Variants in OR4C13 observed in about 807,000 individuals in gnomAD.
OR4C13 encodes olfactory receptor family 4 subfamily C member 13.
A neutral mutation model predicts 14.7 loss-of-function variants in OR4C13; 23 were observed. The ratio of observed to expected loss-of-function variants is 1.57; its 90% CI spans 1.13 to 2.22. The LOEUF is 2.22. Among genes scored for constraint, OR4C13 ranks in the 30% most tolerant of loss-of-function variants. The pLI is 0.00. For missense variants in OR4C13, 504 were observed against 368.6 expected (o/e 1.37, Z -3.01); for synonymous variants, 178 against 135.5 (o/e 1.31, Z -2.18).
rs142175525 is a variant in OR4C13 at position 49,952,831 on chromosome 11, C to T, written c.409C>T (p.His137Tyr). The change falls in exon 1 of 1, where the codon CAT becomes TAT. Residue 137 changes from histidine to tyrosine, a missense_variant. His to Tyr is a moderately conservative substitution (Grantham distance 83, BLOSUM62 2). Coordinates refer to ENST00000555099, the MANE Select transcript of OR4C13 (RefSeq NM_001001955.2). ...PLHYTTVMKQ[H>Y]VCSLLVGVSW... ...GCACTATACCACCGTCATGAAGCAG[C>T]ATGTTTGTAGCCTGCTAGTGGGAGT... The T allele has an allele frequency of 1.5e-4, 248 of 1,613,948 alleles. No homozygotes were observed. The highest frequency in any genetic ancestry group is 2.0e-4 in the Non-Finnish European group (233 of 1,179,976).
rs146933611 is a variant in OR4C13 at position 49,952,494 on chromosome 11, C to T, written c.72C>T (p.Ile24=). Residue 24 remains isoleucine, a synonymous_variant, in exon 1 of 1, where the codon ATC becomes ATT. Coordinates refer to ENST00000555099, the MANE Select transcript of OR4C13 (RefSeq NM_001001955.2). The part of the protein sequence containing the change: ...GLTENPKMQK[I]IFVVFSVIYI... ...CAGAGAATCCAAAAATGCAGAAAAT[C>T]ATATTTGTTGTGTTTTCTGTCATCT... is the stretch of plus-strand genomic sequence containing the variant. 1.9e-6 allele frequency: 3 copies of T among 1,613,324 alleles called. No individual in the cohort carries two copies. The highest frequency in any genetic ancestry group is 1.3e-5 in the African/African-American group (1 of 74,986).
rs782140354 is a variant in OR4C13, at chr11:49,952,748, A to G, written c.326A>G (p.Glu109Gly). 2.0e-5 allele frequency: 32 copies of G among 1,613,866 alleles called. No individual in the cohort carries two copies. Among genetic ancestry groups the G allele is most frequent in the Non-Finnish European group, 2.6e-5 (31 of 1,179,888 alleles). The change falls in exon 1 of 1, where the codon GAG becomes GGG. Residue 109 changes from glutamate (E) to glycine (G), a missense_variant. Coordinates refer to ENST00000555099, the MANE Select transcript of OR4C13 (RefSeq NM_001001955.2). ...VFGEHFFRGV[E>G]VILLTVMAYD... ...GGAGAACATTTTTTCAGAGGTGTTG[A>G]GGTCATCCTACTTACTGTAATGGCC...
rs781828746 is a variant in OR4C13, at chr11:49,952,937, T to G, written c.515T>G (p.Ile172Arg). Residue 172 changes from isoleucine to arginine, a missense_variant, in exon 1 of 1, where the codon ATA (isoleucine) becomes AGA (arginine). Ile to Arg is a moderately conservative substitution (Grantham distance 97). Coordinates refer to ENST00000555099, the MANE Select transcript of OR4C13 (RefSeq NM_001001955.2). ...TTACCTTTCTGTGGTCCTAATGTCA[T>G]AGATCACTTTATGTGTGATCTCTAC... is the stretch of plus-strand genomic sequence containing the variant. ...CQLPFCGPNV[I>R]DHFMCDLYTL... 2 of 1,613,708 alleles carry G rather than the reference T, an allele frequency of 1.2e-6. No individual in the cohort carries two copies. The highest frequency in any genetic ancestry group is 1.7e-6 in the Non-Finnish European group (2 of 1,179,772).
In OR4C13 at chr11:49,952,561, A is replaced by G; in HGVS notation, c.139A>G (p.Ile47Val). Residue 47 changes from isoleucine to valine, a missense_variant, in exon 1 of 1, where the codon ATC (isoleucine) becomes GTC (valine). Ile to Val is a conservative substitution (Grantham distance 29). Transcript: ENST00000555099. ...MIGNVLIVVT[I>V]TASPSLRSPM... is the part of the protein sequence containing the mutation. ...AGGAAATGTGCTCATTGTGGTCACC[A>G]TCACTGCCAGCCCATCACTGAGATC... 1.9e-6 allele frequency: 3 copies of G among 1,613,884 alleles called. No individual in the cohort carries two copies. Among genetic ancestry groups the G allele is most frequent in the Non-Finnish European group, 2.5e-6 (3 of 1,179,814 alleles).
chr11:49,952,453 A>T lies in OR4C13; in HGVS notation c.31A>T (p.Ile11Phe). 1 of 1,612,090 alleles carries T rather than the reference A, an allele frequency of 6.2e-7. No individual in the cohort carries two copies. Among genetic ancestry groups the T allele is most frequent in the South Asian group, 1.1e-5 (1 of 91,014 alleles). ...GAATAGAAACAATGTGACAGAGTTT[A>T]TTCTATTGGGGCTTACAGAGAATCC... MANRNNVTEFILLGLTENPKM... is the reference protein window; with the variant it reads MANRNNVTEFFLLGLTENPKM... The change falls in exon 1 of 1, where the codon ATT becomes TTT. Residue 11 changes from isoleucine (I) to phenylalanine (F), a missense_variant. Coordinates refer to ENST00000555099, the MANE Select transcript of OR4C13 (RefSeq NM_001001955.2).
chr11:49,953,173 C>T lies in OR4C13; in HGVS notation c.751C>T (p.Pro251Ser), dbSNP rs782298071. 3 of 1,613,580 alleles carry T rather than the reference C, an allele frequency of 1.9e-6. No individual in the cohort carries two copies. Among genetic ancestry groups the T allele is most frequent in the Non-Finnish European group, 1.7e-6 (2 of 1,179,654 alleles). The change falls in exon 1 of 1, where the codon CCC becomes TCC. Residue 251 changes from proline to serine, a missense_variant. Coordinates refer to ENST00000555099, the MANE Select transcript of OR4C13 (RefSeq NM_001001955.2). Reference sequence around the variant, plus strand: ...CACAGTTGTCATCTTATCCTTTATACCCTGCATATTTGTGTACATGAGACC... The same window carrying T: ...CACAGTTGTCATCTTATCCTTTATATCCTGCATATTTGTGTACATGAGACC... The part of the protein sequence containing the change: ...HITVVILSFI[P>S]CIFVYMRPPA...
chr11:49,953,319 G>A lies in OR4C13; in HGVS notation c.897G>A (p.Leu299=). 5 of 1,592,860 alleles carry A rather than the reference G, an allele frequency of 3.1e-6. No homozygotes were observed. ...AAATGAAAAATGCCATTAGGAAATT[G>A]TGTAGTAGGAAAGCTATTTCAAGTG... is the stretch of plus-strand genomic sequence containing the variant. ...NAQMKNAIRK[L]CSRKAISSVK is the part of the protein sequence containing the mutation. Residue 299 remains leucine, a synonymous_variant, in exon 1 of 1, where the codon TTG becomes TTA. Transcript: ENST00000555099.
Position 49,953,159 on chromosome 11 carries a change from TC to T in OR4C13, c.738del (p.Leu247TyrfsTer11). On this transcript the variant is annotated frameshift_variant, in exon 1 of 1. Transcript: ENST00000555099. LOFTEE classifies it high-confidence loss of function. ...TGTGTCTCCCACATCACAGTTGTCA[TC>T]TTATCCTTTATACCCTGCATATTTG... ...STCVSHITVV[I>X]LSFIPCIFVY... 2 of 1,613,856 alleles carry T rather than the reference TC, an allele frequency of 1.2e-6. No homozygotes were observed. The highest frequency in any genetic ancestry group is 2.2e-5 in the South Asian group (2 of 91,074).
rs550068234 is a variant in OR4C13, at chr11:49,952,397, A to T, written c.-26A>T. The T allele has an allele frequency of 8.7e-5, 125 of 1,441,874 alleles. 2 individuals carry two copies. The South Asian group carries it at 1.5e-3, about 17-fold the overall frequency. 89.3% of individuals were successfully genotyped at this position (1,441,874 alleles called of 1,614,324 possible). Reference sequence around the variant, plus strand: ...ATAAAAATTGTTTTCTTTTCAGGTAATGTAATTAACCATCATTTGAAATAC... The same window carrying T: ...ATAAAAATTGTTTTCTTTTCAGGTATTGTAATTAACCATCATTTGAAATAC... On this transcript the variant is annotated 5_prime_UTR_variant, in exon 1 of 1. It removes an upstream start codon present in the reference 5' UTR. Coordinates refer to ENST00000555099, the MANE Select transcript of OR4C13 (RefSeq NM_001001955.2).
Position 49,953,406 on chromosome 11 carries a change from T to C in OR4C13, c.*54T>C. The stretch of plus-strand genomic sequence containing the variant: ...TGAGGCAAGGGTCAAAAGGACATTT[T>C]GGGTAATGCCAGCAAGGAATACTTA... On this transcript the variant is annotated 3_prime_UTR_variant, in exon 1 of 1. Coordinates refer to ENST00000555099, the MANE Select transcript of OR4C13 (RefSeq NM_001001955.2). The C allele has an allele frequency of 9.7e-7, 1 of 1,028,380 alleles. No individual in the cohort carries two copies. Among genetic ancestry groups the C allele is most frequent in the Non-Finnish European group, 1.4e-6 (1 of 712,250 alleles). 63.7% of individuals were successfully genotyped at this position (1,028,380 alleles called of 1,614,324 possible). A position where few individuals can be genotyped will look rare whatever the true frequency, so the allele number is the denominator to read the frequency against.
chr11:49,953,288 A>T lies in OR4C13; in HGVS notation c.866A>T (p.Asn289Ile), dbSNP rs782283806. 109 of 1,608,688 alleles carry T rather than the reference A, an allele frequency of 6.8e-5. No individual in the cohort carries two copies. The highest frequency in any genetic ancestry group is 4.4e-4 in the Middle Eastern group (2 of 4,526). The change falls in exon 1 of 1, where the codon AAT becomes ATT. Residue 289 changes from asparagine to isoleucine, a missense_variant. By Grantham distance (149) the Asn-to-Ile change is moderately radical. Transcript: ENST00000555099. Reference sequence around the variant, plus strand: ...AACCCCTTAATCTACACCTTGAGGAATGCTCAAATGAAAAATGCCATTAGG... The same window carrying T: ...AACCCCTTAATCTACACCTTGAGGATTGCTCAAATGAAAAATGCCATTAGG... The part of the protein sequence containing the change: ...MLNPLIYTLR[N>I]AQMKNAIRKL...
At position 49,953,160 on chromosome 11, in the gene OR4C13, C is replaced by A. The variant is rs782253361; in HGVS notation, c.738C>A (p.Ile246=). The A allele has an allele frequency of 6.2e-7, 1 of 1,613,816 alleles. No individual in the cohort carries two copies. Among genetic ancestry groups the A allele is most frequent in the East Asian group, 2.2e-5 (1 of 44,868 alleles). ...GTGTCTCCCACATCACAGTTGTCAT[C>A]TTATCCTTTATACCCTGCATATTTG... ...STCVSHITVV[I]LSFIPCIFVY... is the part of the protein sequence containing the mutation. The change falls in exon 1 of 1, where the codon ATC becomes ATA. Residue 246 remains isoleucine, a synonymous_variant. Coordinates refer to ENST00000555099, the MANE Select transcript of OR4C13 (RefSeq NM_001001955.2).
Position 49,952,800 on chromosome 11 carries a change from G to A in OR4C13, c.378G>A (p.Lys126=). 1.2e-6 allele frequency: 2 copies of A among 1,614,096 alleles called. No homozygotes were observed. The highest frequency in any genetic ancestry group is 1.3e-5 in the African/African-American group (1 of 75,032). ...ATGACCACTATGTGGCCATCTGCAA[G>A]CCCTTGCACTATACCACCGTCATGA... The part of the protein sequence containing the change: ...MAYDHYVAIC[K]PLHYTTVMKQ... Residue 126 remains lysine, a synonymous_variant, in exon 1 of 1, where the codon AAG becomes AAA. Transcript: ENST00000555099.
At position 49,953,336 on chromosome 11, in the gene OR4C13, T is replaced by C. The variant is rs149915299; in HGVS notation, c.914T>C (p.Ile305Thr). 9.6e-6 allele frequency: 15 copies of C among 1,563,192 alleles called. No homozygotes were observed. In the African/African-American group the frequency reaches 1.2e-4, roughly 13 times the overall value. ...AIRKLCSRKA[I>T]SSVK ...AGGAAATTGTGTAGTAGGAAAGCTA[T>C]TTCAAGTGTCAAATAAATGTGACTG... is the stretch of plus-strand genomic sequence containing the variant. The change falls in exon 1 of 1, where the codon ATT becomes ACT. Residue 305 changes from isoleucine (I) to threonine (T), a missense_variant. Coordinates refer to ENST00000555099, the MANE Select transcript of OR4C13 (RefSeq NM_001001955.2).
chr11:49,953,099 A>G lies in OR4C13; in HGVS notation c.677A>G (p.His226Arg), dbSNP rs149364768. Residue 226 changes from histidine to arginine, a missense_variant, in exon 1 of 1, where the codon CAC becomes CGC. By Grantham distance (29) the His-to-Arg change is conservative. Coordinates refer to ENST00000555099, the MANE Select transcript of OR4C13 (RefSeq NM_001001955.2). The stretch of plus-strand genomic sequence containing the variant: ...GTCATACTGTACTCCTTAAAGACCC[A>G]CAGCTTAGAGGCAAGGCACGAAGCC... The part of the protein sequence containing the change: ...CVVILYSLKT[H>R]SLEARHEALS... 207 of 1,613,860 alleles carry G rather than the reference A, an allele frequency of 1.3e-4. 1 individual carries two copies. The African/African-American group carries it at 2.3e-3, about 18-fold the overall frequency.
rs1263694888 is a variant in OR4C13 at position 49,952,688 on chromosome 11, C to A, written c.266C>A (p.Thr89Asn). 10 of 1,613,904 alleles carry A rather than the reference C, an allele frequency of 6.2e-6. No individual in the cohort carries two copies. Among genetic ancestry groups the A allele is most frequent in the Non-Finnish European group, 8.5e-6 (10 of 1,179,942 alleles). ...ACAGATTCACTCTATGAAAACAAGA[C>A]TATCTTATTCAATGGATGTATGACT... Reference protein sequence around the residue: ...LITDSLYENKTILFNGCMTQV... With the variant: ...LITDSLYENKNILFNGCMTQV... Residue 89 changes from threonine to asparagine, a missense_variant, in exon 1 of 1, where the codon ACT (threonine) becomes AAT (asparagine). Coordinates refer to ENST00000555099, the MANE Select transcript of OR4C13 (RefSeq NM_001001955.2).
Position 49,953,181 on chromosome 11 carries a change from A to G in OR4C13, c.759A>G (p.Ile253Met), listed in dbSNP as rs782447552. 4 of 1,613,682 alleles carry G rather than the reference A, an allele frequency of 2.5e-6. No homozygotes were observed. Among genetic ancestry groups the G allele is most frequent in the South Asian group, 1.1e-5 (1 of 91,060 alleles). ...TCATCTTATCCTTTATACCCTGCAT[A>G]TTTGTGTACATGAGACCTCCAGCTA... The part of the protein sequence containing the change: ...TVVILSFIPC[I>M]FVYMRPPATL... Residue 253 changes from isoleucine (I) to methionine (M), a missense_variant, in exon 1 of 1, where the codon ATA becomes ATG. Physicochemically the swap from Ile to Met is conservative, Grantham distance 10. Transcript: ENST00000555099.
chr11:49,952,688 C>T lies in OR4C13; in HGVS notation c.266C>T (p.Thr89Ile). 1 of 1,614,022 alleles carries T rather than the reference C, an allele frequency of 6.2e-7. No individual in the cohort carries two copies. Among genetic ancestry groups the T allele is most frequent in the Non-Finnish European group, 8.5e-7 (1 of 1,179,934 alleles). ...ACAGATTCACTCTATGAAAACAAGACTATCTTATTCAATGGATGTATGACT... is the reference window on the plus strand; with the variant it reads ...ACAGATTCACTCTATGAAAACAAGATTATCTTATTCAATGGATGTATGACT... ...LITDSLYENK[T>I]ILFNGCMTQV... The change falls in exon 1 of 1, where the codon ACT (threonine) becomes ATT (isoleucine). Residue 89 changes from threonine (T) to isoleucine (I), a missense_variant. Transcript: ENST00000555099.
rs782758648 is a variant in OR4C13, at chr11:49,953,216, T to C, written c.794T>C (p.Ile265Thr). 1.2e-6 allele frequency: 2 copies of C among 1,612,662 alleles called. No individual in the cohort carries two copies. The highest frequency in any genetic ancestry group is 1.1e-5 in the South Asian group (1 of 91,040). Residue 265 changes from isoleucine to threonine, a missense_variant, in exon 1 of 1, where the codon ATT becomes ACT. Ile to Thr is a moderately conservative substitution (Grantham distance 89). Transcript: ENST00000555099. Reference sequence around the variant, plus strand: ...ATGAGACCTCCAGCTACTTTACCCATTGATAAAGCAGTTGCTGTATTCTAC... The same window carrying C: ...ATGAGACCTCCAGCTACTTTACCCACTGATAAAGCAGTTGCTGTATTCTAC... ...VYMRPPATLP[I>T]DKAVAVFYTM...
Sources: allele counts gnomAD v4.1 joint callset, GRCh38; gene constraint gnomAD v4.1.1; transcripts MANE v1.5; gene names NCBI Gene and HGNC (gene_info 2026-07-23, HGNC 2026-07-21).